Variants in HNRNPUL1 observed in about 807,000 individuals in gnomAD.
HNRNPUL1 encodes the protein heterogeneous nuclear ribonucleoprotein U-like protein 1.
HNRNPUL1 carries 14 observed loss-of-function variants against 108.5 expected under a neutral mutation model. The ratio of observed to expected loss-of-function variants is 0.13; its 90% CI spans 0.09 to 0.20. HNRNPUL1 has a LOEUF of 0.20. Among genes scored for constraint, HNRNPUL1 ranks in the 10% least tolerant of loss-of-function variants. HNRNPUL1 has a pLI of 1.00. For missense variants in HNRNPUL1, 804 were observed against 1,168.3 expected (o/e 0.69, Z 4.55); for synonymous variants, 422 against 445.2 (o/e 0.95, Z 0.66).
At chr19:41,274,700 C>G (rs1196937916) in intron 4 of HNRNPUL1, among the ~76,000 whole-genome samples, 6 of 152,200 alleles carry the variant, frequency 3.9e-5, no homozygotes, top group African/African-American at 1.4e-4. Flanking sequence ...TACATGCACC[C>G]AGAAGCCCAA....
In HNRNPUL1 at chr19:41,278,851, C is replaced by T. The variant is rs1310304137; in HGVS notation, c.787-226C>T. Among the ~76,000 whole-genome samples, 6 of 152,066 alleles carry T rather than the reference C, an allele frequency of 3.9e-5. No individual in the cohort carries two copies. The East Asian group carries it at 5.8e-4, about 15-fold the overall frequency. ...AGAGTCTCTTAAACTAAAACATAAC[C>T]GTATTTTGAAATGCCTGTCTCTGTG... On this transcript the variant is annotated intron_variant, in intron 5 of 14. Coordinates refer to ENST00000392006, the MANE Select transcript of HNRNPUL1 (RefSeq NM_007040.6).
upstream of HNRNPUL1, chr19:41,264,236 G>T (rs911395430): frequency 5.9e-5 from 21 of 355,512 alleles, no homozygotes; most frequent in African/African-American, 4.2e-4. Context: ...AGGCCTTCTC[G>T]TGGCCGTTGT....
At chr19:41,297,867 C>A (rs1199149681) in intron 10 of HNRNPUL1, among the ~76,000 whole-genome samples, 2 of 152,178 alleles carry the variant, frequency 1.3e-5, no homozygotes, top group Admixed American at 1.3e-4. Flanking sequence ...AGTCTCCCAC[C>A]GTAACCTGTG....
chr19:41,271,872 C>T (rs989429878), intron 2 of HNRNPUL1, among the ~76,000 whole-genome samples: 2 of 152,146 alleles, frequency 1.3e-5, no homozygotes, highest in Non-Finnish European at 2.9e-5. Flanking sequence ...AATTTAGGGT[C>T]ATGGTATCTC....
chr19:41,288,643 C>T (rs540659295), intron 7 of HNRNPUL1, among the ~76,000 whole-genome samples: 2 of 152,110 alleles, frequency 1.3e-5, no homozygotes, highest in Admixed American at 1.3e-4. Context: ...TTTAACCTAG[C>T]GCCTCCCTTT....
At chr19:41,269,219 A>G (rs978775023) in intron 2 of HNRNPUL1, among the ~76,000 whole-genome samples, 1 of 152,024 alleles carries the variant, frequency 6.6e-6, no homozygotes, top group African/African-American at 2.4e-5. Flanking sequence ...TAATTCCAAC[A>G]CTTTGGGAGG....
At chr19:41,283,975 A>G (rs2036058709) in intron 7 of HNRNPUL1, among the ~76,000 whole-genome samples, 1 of 152,244 alleles carries the variant, frequency 6.6e-6, no homozygotes, top group Admixed American at 6.5e-5. Flanking sequence ...AATTGTTGCA[A>G]GTTTCTACTT....
At chr19:41,291,042 G>A (rs892706879) in intron 7 of HNRNPUL1, among the ~76,000 whole-genome samples, 19 of 152,082 alleles carry the variant, frequency 1.2e-4, no homozygotes, top group African/African-American at 4.6e-4. Context: ...GTGAAATTCC[G>A]TCTCAACAAA....
intron 10 of HNRNPUL1, among the ~76,000 whole-genome samples, chr19:41,296,836 T>G (rs1453238262): frequency 6.6e-6 from 1 of 152,236 alleles, no homozygotes; most frequent in Non-Finnish European, 1.5e-5. Flanking sequence ...AACCATCTTT[T>G]GCCTTTACTG....
rs550483750 is a variant in HNRNPUL1, at chr19:41,265,817, C to T, written c.295+1019C>T. Among the ~76,000 whole-genome samples the T allele has an allele frequency of 4.1e-4, 62 of 151,568 alleles. No homozygotes were observed. In the South Asian group the frequency reaches 0.013, roughly 31 times the overall value. ...GGCGGGAGACAGAGGATCCTGTGTC[C>T]AGCACAGGAGTACGTATCTGGCTTA... is the stretch of plus-strand genomic sequence containing the variant. On this transcript the variant is annotated intron_variant, in intron 1 of 14. Transcript: ENST00000392006.
rs146042186 is a variant in HNRNPUL1 at position 41,279,541 on chromosome 19, C to T, written c.886+365C>T. Among the ~76,000 whole-genome samples, 596 of 152,186 alleles carry T rather than the reference C, an allele frequency of 3.9e-3. 3 individuals carry two copies. The highest frequency in any genetic ancestry group is 0.014 in the African/African-American group (565 of 41,518). On this transcript the variant is annotated intron_variant, in intron 6 of 14. Transcript: ENST00000392006. ...TTAAGTTCTGTCTGTATTTTCTGTC[C>T]GGAGCCTAACCTAGAGGAAAAAGGG...
chr19:41,286,671 C>A (rs1599812536), intron 7 of HNRNPUL1: 2 of 148,850 alleles, frequency 1.3e-5, no homozygotes, highest in African/African-American at 5.0e-5. Context: ...GCTGAGACTG[C>A]AGGTGCACGG....
chr19:41,287,489 C>T (rs1450039780), intron 7 of HNRNPUL1, among the ~76,000 whole-genome samples: 1 of 152,094 alleles, frequency 6.6e-6, no homozygotes, highest in African/African-American at 2.4e-5. Context: ...CATTCTCTTG[C>T]CATGTGTCTT....
intron 10 of HNRNPUL1, among the ~76,000 whole-genome samples, chr19:41,300,952 A>G (rs2037175954): frequency 1.3e-5 from 2 of 152,264 alleles, no homozygotes; most frequent in Non-Finnish European, 2.9e-5. Context: ...GTTAATTAGT[A>G]GCATAGCTAA....
chr19:41,285,516 A>G (rs1453662165), intron 7 of HNRNPUL1, among the ~76,000 whole-genome samples: 1 of 152,140 alleles, frequency 6.6e-6, no homozygotes, highest in Non-Finnish European at 1.5e-5. Flanking sequence ...ATTCTGTCAG[A>G]TTGATGATCA....
At chr19:41,290,035 G>A (rs77658816) in intron 7 of HNRNPUL1, among the ~76,000 whole-genome samples, 10,005 of 152,140 alleles carry the variant, frequency 0.066, 477 homozygotes, top group Non-Finnish European at 0.099. Context: ...TGACGTGGGT[G>A]CATGCTTAGA....
Position 41,307,462 on chromosome 19 carries a change from T to C in HNRNPUL1, c.*897T>C, listed in dbSNP as rs959115425. On this transcript the variant is annotated 3_prime_UTR_variant, in exon 15 of 15. Transcript: ENST00000392006. The stretch of plus-strand genomic sequence containing the variant: ...TTGGGGGGCTCCTTCCCTTCAGAAC[T>C]TGAAGTTTCTCCCACTGCCTCCTCT... 4.6e-5 allele frequency: 7 copies of C among 152,580 alleles called. No homozygotes were observed. The highest frequency in any genetic ancestry group is 1.4e-4 in the African/African-American group (6 of 41,420). The allele number at this position is 152,580 out of a possible 1,614,324, so 9.5% of individuals were successfully genotyped here.
At chr19:41,290,308 A>T (rs1045748520) in intron 7 of HNRNPUL1, among the ~76,000 whole-genome samples, 1 of 152,244 alleles carries the variant, frequency 6.6e-6, no homozygotes. Flanking sequence ...CAAACGTTTT[A>T]AAAATATAAA....
chr19:41,306,681 G>T lies in HNRNPUL1; in HGVS notation c.*116G>T. 1 of 566,668 alleles carries T rather than the reference G, an allele frequency of 1.8e-6. No individual in the cohort carries two copies. 35.1% of individuals were successfully genotyped at this position (566,668 alleles called of 1,614,324 possible). The stretch of plus-strand genomic sequence containing the variant: ...GGTGCTGGGGATGGGGTCATCCCAG[G>T]GCTGCCTCCCTCCAGCCCACTGCCT... On this transcript the variant is annotated 3_prime_UTR_variant, in exon 15 of 15. Coordinates refer to ENST00000392006, the MANE Select transcript of HNRNPUL1 (RefSeq NM_007040.6).
Sources: gnomAD v4.1 joint callset for allele counts (sites outside exome capture counted in the v4.1 genomes callset) on GRCh38, gnomAD v4.1.1 for gene constraint, MANE v1.5 for transcripts, NCBI Gene and HGNC (gene_info 2026-07-23, HGNC 2026-07-21) for gene names.